The following ILKAP variants were observed in gnomAD, a reference collection of about 807,000 sequenced individuals.
The protein encoded by ILKAP is ILK associated serine/threonine phosphatase.
A neutral mutation model predicts 49.1 loss-of-function variants in ILKAP; 11 were observed. That is an observed-to-expected ratio of 0.22 (90% CI 0.14 to 0.37). The LOEUF (loss-of-function observed/expected upper bound fraction) is 0.37, where lower values mean the gene tolerates loss of function less well. Among genes scored for constraint, ILKAP ranks in the 10% least tolerant of loss-of-function variants. ILKAP has a pLI of 1.00. For missense variants in ILKAP, 363 were observed against 510.8 expected (o/e 0.71, Z 2.79); for synonymous variants, 186 against 192.8 (o/e 0.96, Z 0.29).
chr2:238,172,629 TGAA>T (rs1029633241), intron 10 of ILKAP, among the ~76,000 whole-genome samples: 5 of 152,250 alleles, frequency 3.3e-5, no homozygotes, highest in South Asian at 4.1e-4. Flanking sequence ...ACAAACACAC[TGAA>T]GAAGATGTGG....
At chr2:238,182,782 C>T (rs1332030715) in intron 8 of ILKAP, among the ~76,000 whole-genome samples, 1 of 152,204 alleles carries the variant, frequency 6.6e-6, no homozygotes, top group South Asian at 2.1e-4. Flanking sequence ...TTTCCTCTTG[C>T]TATTTCTGAA....
intron 1 of ILKAP, among the ~76,000 whole-genome samples, chr2:238,199,014 C>T (rs1226879629): frequency 6.6e-6 from 1 of 152,192 alleles, no homozygotes; most frequent in African/African-American, 2.4e-5. Flanking sequence ...ATCCTTTCCA[C>T]TTTCCTTAAT....
chr2:238,198,544 A>C (rs1694440416), intron 1 of ILKAP, among the ~76,000 whole-genome samples: 1 of 152,166 alleles, frequency 6.6e-6, no homozygotes, highest in Non-Finnish European at 1.5e-5. Context: ...AGGCCCTTAC[A>C]TTCTATTTTG....
chr2:238,176,151 T>TTTTTG (rs1553586583), intron 9 of ILKAP, among the ~76,000 whole-genome samples: 1 of 147,756 alleles, frequency 6.8e-6, no homozygotes, highest in African/African-American at 2.5e-5. Flanking sequence ...TTTTTTTTTT[T>TTTTTG]GAGACAGAGT....
At chr2:238,189,286 G>A (rs560429858) in intron 4 of ILKAP, among the ~76,000 whole-genome samples, 1 of 151,728 alleles carries the variant, frequency 6.6e-6, no homozygotes, top group African/African-American at 2.4e-5. Flanking sequence ...CTCCAGCCTG[G>A]GCGACAGAGC....
At chr2:238,186,775 T>C (rs1486663411) in intron 5 of ILKAP, 1 of 151,738 alleles carries the variant, frequency 6.6e-6, no homozygotes, top group Non-Finnish European at 1.5e-5. Flanking sequence ...TTCTTTCAAG[T>C]TTTTTGGAAT....
chr2:238,198,615 TA>T (rs1694443761), intron 1 of ILKAP, among the ~76,000 whole-genome samples: 1 of 152,126 alleles, frequency 6.6e-6, no homozygotes, highest in Non-Finnish European at 1.5e-5. Context: ...GACCCTGACC[TA>T]AAAATCTGGA....
At position 238,195,173 on chromosome 2, in the gene ILKAP, T is replaced by C. The variant is rs116002299; in HGVS notation, c.56-303A>G. Among the ~76,000 whole-genome samples the C allele has an allele frequency of 6.5e-3, 986 of 152,168 alleles. 17 individuals are homozygous for C. The highest frequency in any genetic ancestry group is 0.023 in the African/African-American group (942 of 41,528). ...CTTGATAATTTCATTATTGAAAGCA[T>C]GAAACATTTAAAAGTCTTTCTTTAA... is the stretch of plus-strand genomic sequence containing the variant. On this transcript the variant is annotated intron_variant, in intron 1 of 11. Coordinates refer to ENST00000254654, the MANE Select transcript of ILKAP (RefSeq NM_030768.3).
intron 3 of ILKAP, 73 bp downstream of exon 3, chr2:238,194,202 A>G (rs1694255976): frequency 1.5e-6 from 2 of 1,305,728 alleles, no homozygotes; most frequent in Admixed American, 3.5e-5. Flanking sequence ...TAAAACCTAT[A>G]CATAAATTTC....
intron 9 of ILKAP, among the ~76,000 whole-genome samples, chr2:238,176,729 T>C (rs909059377): frequency 2.0e-5 from 3 of 152,394 alleles, no homozygotes; most frequent in Admixed American, 6.5e-5. Context: ...AAGGCTAATC[T>C]GGCTGCTAAA....
At chr2:238,185,762 C>T (rs973154229) in intron 5 of ILKAP, 1 of 153,482 alleles carries the variant, frequency 6.5e-6, no homozygotes, top group South Asian at 2.0e-4. Flanking sequence ...TGAGATCGCA[C>T]CACTGCACTT....
chr2:238,201,993 G>T (rs1387155461), intron 1 of ILKAP, among the ~76,000 whole-genome samples: 1 of 152,168 alleles, frequency 6.6e-6, no homozygotes, highest in Non-Finnish European at 1.5e-5. Context: ...GGGAGGCCGA[G>T]GCGGGCGGAT....
chr2:238,190,998 A>T (rs1222841287), intron 3 of ILKAP, among the ~76,000 whole-genome samples: 1 of 151,858 alleles, frequency 6.6e-6, no homozygotes, highest in African/African-American at 2.4e-5. Flanking sequence ...TCTGTCACAC[A>T]GACTAGAATG....
intron 4 of ILKAP, among the ~76,000 whole-genome samples, chr2:238,189,304 T>G (rs943503430): frequency 1.3e-5 from 2 of 151,356 alleles, no homozygotes; most frequent in Non-Finnish European, 2.9e-5. Context: ...AGCGAGACTC[T>G]GTCTCAAAAA....
chr2:238,197,015 G>A (rs961532276), intron 1 of ILKAP, among the ~76,000 whole-genome samples: 1 of 152,168 alleles, frequency 6.6e-6, no homozygotes, highest in African/African-American at 2.4e-5. Flanking sequence ...TGACCAACAT[G>A]GTGAAACCCT....
At position 238,188,563 on chromosome 2, in the gene ILKAP, C is replaced by G. The variant is rs139977633; in HGVS notation, c.299-306G>C. 182 of 221,402 alleles carry G rather than the reference C, an allele frequency of 8.2e-4. 1 individual carries two copies. In the East Asian group the frequency reaches 0.017, roughly 20 times the overall value. The allele number at this position is 221,402 out of a possible 1,614,324, so 13.7% of individuals were successfully genotyped here. A position where few individuals can be genotyped will look rare whatever the true frequency, so the allele number is the denominator to read the frequency against. On this transcript the variant is annotated intron_variant, in intron 4 of 11. Coordinates refer to ENST00000254654, the MANE Select transcript of ILKAP (RefSeq NM_030768.3). ...TCAGGGCAAGGGATGTGCTGCCATC[C>G]CAGAGAAGTGAGATTCAAATCAGGC...
At chr2:238,202,450 TACTC>T (rs759156996) in intron 1 of ILKAP, among the ~76,000 whole-genome samples, 2 of 152,064 alleles carry the variant, frequency 1.3e-5, no homozygotes, top group African/African-American at 2.4e-5. Context: ...GGCTGGGCCT[TACTC>T]ACCTCCGTCT....
intron 3 of ILKAP, 42 bp from the exon 4 acceptor site, chr2:238,190,014 CTGT>C: frequency 1.2e-6 from 2 of 1,604,286 alleles, no homozygotes; most frequent in Non-Finnish European, 1.7e-6. Context: ...CAGCTGTAGA[CTGT>C]TGGAAAAAGT....
intron 2 of ILKAP, 112 bp downstream of exon 2, chr2:238,194,693 C>A: frequency 8.9e-7 from 1 of 1,128,824 alleles, no homozygotes; most frequent in Non-Finnish European, 1.3e-6. Flanking sequence ...CAGTCCAACA[C>A]CTAAAACATC....
Sources: gnomAD v4.1 joint callset for allele counts (sites outside exome capture counted in the v4.1 genomes callset) on GRCh38, gnomAD v4.1.1 for gene constraint, MANE v1.5 for transcripts, NCBI Gene and HGNC (gene_info 2026-07-23, HGNC 2026-07-21) for gene names.